MACROD2: variants seen among roughly 807,000 people sequenced by gnomAD.
MACROD2 encodes mono-ADP ribosylhydrolase 2.
A neutral mutation model predicts 70.4 loss-of-function variants in MACROD2; 36 were observed. The observed-to-expected ratio is 0.51, with a 90% CI of 0.39 to 0.68. The LOEUF is 0.68. MACROD2 is among the 30% of genes least tolerant of loss of function. The pLI, the probability that MACROD2 is intolerant of heterozygous loss-of-function variation, is 0.00. For missense variants in MACROD2, 496 were observed against 538.4 expected (o/e 0.92, Z 0.78); for synonymous variants, 172 against 178.8 (o/e 0.96, Z 0.30).
intron 3 of MACROD2, among the ~76,000 whole-genome samples, chr20:14,276,601 C>T (rs1258281541): frequency 1.3e-5 from 2 of 151,580 alleles, no homozygotes; most frequent in African/African-American, 4.8e-5. Context: ...ACATTGTGCA[C>T]ATGTACCCTA....
At chr20:14,562,632 T>C (rs1384247810) in intron 4 of MACROD2, among the ~76,000 whole-genome samples, 1 of 151,882 alleles carries the variant, frequency 6.6e-6, no homozygotes, top group Non-Finnish European at 1.5e-5. Context: ...TATCCAACTA[T>C]CTATTGGATG....
intron 2 of MACROD2, among the ~76,000 whole-genome samples, chr20:14,083,954 G>A (rs2054036141): frequency 6.6e-6 from 1 of 151,284 alleles, no homozygotes; most frequent in African/African-American, 2.4e-5. Flanking sequence ...TCAGCTATTC[G>A]GAGAGGCTGA....
intron 3 of MACROD2, among the ~76,000 whole-genome samples, chr20:14,463,582 A>AG (rs562106481): frequency 1.3e-5 from 2 of 151,860 alleles, no homozygotes; most frequent in South Asian, 2.1e-4. Context: ...GTTGAATAGG[A>AG]TGGTGAGAGA....
intron 8 of MACROD2, among the ~76,000 whole-genome samples, chr20:15,663,215 A>G (rs932999787): frequency 4.0e-5 from 6 of 149,728 alleles, no homozygotes. Context: ...CTGTTTCTCA[A>G]GAGAAGTCAG....
At chr20:15,590,142 G>T (rs781069572) in intron 8 of MACROD2, among the ~76,000 whole-genome samples, 2 of 152,140 alleles carry the variant, frequency 1.3e-5, no homozygotes, top group South Asian at 2.1e-4. Context: ...AATATGAAAG[G>T]TGTGGAAATT....
intron 6 of MACROD2, among the ~76,000 whole-genome samples, chr20:15,380,188 A>AC (rs2045623431): frequency 6.6e-6 from 1 of 151,576 alleles, no homozygotes; most frequent in South Asian, 2.1e-4. Flanking sequence ...ATTTAAAAAA[A>AC]CCCTCAGCAC....
At chr20:14,895,787 A>G (rs1243615309) in intron 5 of MACROD2, among the ~76,000 whole-genome samples, 1 of 152,194 alleles carries the variant, frequency 6.6e-6, no homozygotes, top group Non-Finnish European at 1.5e-5. Flanking sequence ...ATCTCAGGTT[A>G]GGTTCCTTTC....
intron 4 of MACROD2, chr20:14,623,128 A>G (rs1329253546): frequency 6.6e-6 from 1 of 152,172 alleles, no homozygotes; most frequent in East Asian, 1.9e-4. Context: ...TCTTAATGCC[A>G]AAGTTCTCTG....
chr20:14,882,551 A>G (rs2073622028), intron 5 of MACROD2, among the ~76,000 whole-genome samples: 1 of 152,206 alleles, frequency 6.6e-6, no homozygotes, highest in African/African-American at 2.4e-5. Flanking sequence ...GAGATACAGA[A>G]GATTTACTCT....
intron 5 of MACROD2, among the ~76,000 whole-genome samples, chr20:15,096,360 G>A (rs1357030365): frequency 4.0e-5 from 6 of 150,672 alleles, no homozygotes; most frequent in Admixed American, 2.0e-4. Flanking sequence ...GTTCGTAAGT[G>A]GCTAGTAAGA....
chr20:14,203,874 G>T (rs2081500765), intron 3 of MACROD2, among the ~76,000 whole-genome samples: 1 of 152,208 alleles, frequency 6.6e-6, no homozygotes, highest in Admixed American at 6.5e-5. Context: ...TGATGTGCTT[G>T]GGTGCTGGTG....
At chr20:14,114,742 A>G (rs2054494747) in intron 3 of MACROD2, among the ~76,000 whole-genome samples, 2 of 152,216 alleles carry the variant, frequency 1.3e-5, no homozygotes, top group Non-Finnish European at 2.9e-5. Context: ...ACTCTGAAGC[A>G]TCTTCAAAAA....
chr20:14,109,893 C>T (rs1431090418), intron 3 of MACROD2, among the ~76,000 whole-genome samples: 1 of 151,668 alleles, frequency 6.6e-6, no homozygotes, highest in Non-Finnish European at 1.5e-5. Context: ...TACCCTGATA[C>T]CAAAATGAAA....
intron 5 of MACROD2, among the ~76,000 whole-genome samples, chr20:14,941,906 C>T (rs1246174045): frequency 2.6e-5 from 4 of 151,644 alleles, no homozygotes. Flanking sequence ...ATCTCAGCCT[C>T]CTTAGTATTT....
chr20:15,813,353 C>T (rs561739759), intron 8 of MACROD2, among the ~76,000 whole-genome samples: 4 of 152,330 alleles, frequency 2.6e-5, no homozygotes, highest in African/African-American at 7.2e-5. Flanking sequence ...CCTGTAGAGA[C>T]ATGTTAAGTC....
chr20:15,975,504 G>A (rs1292883517), intron 13 of MACROD2, among the ~76,000 whole-genome samples: 3 of 152,056 alleles, frequency 2.0e-5, no homozygotes, highest in East Asian at 1.9e-4. Context: ...CACCCATAAC[G>A]TGGAATATTA....
chr20:15,785,138 C>G (rs1326424916), intron 8 of MACROD2, among the ~76,000 whole-genome samples: 3 of 131,530 alleles, frequency 2.3e-5, no homozygotes, highest in African/African-American at 8.9e-5. Flanking sequence ...GGTGACAGAG[C>G]GAGACTCCGT....
At position 14,434,630 on chromosome 20, in the gene MACROD2, C is replaced by A. The variant is rs139993314; in HGVS notation, c.272-58849C>A. ...CCATCAGTTCTTCCTTCTCCTGAAT[C>A]ATAAGCTTTCCCTTCTCTGTTGGCT... On this transcript the variant is annotated intron_variant, in intron 3 of 17. Transcript: ENST00000684519. 1.1e-4 allele frequency among the ~76,000 whole-genome samples: 17 copies of A among 152,292 alleles called. No individual in the cohort carries two copies. In the East Asian group the frequency reaches 3.3e-3, roughly 29 times the overall value.
chr20:14,700,578 T>G (rs909196284), intron 5 of MACROD2, among the ~76,000 whole-genome samples: 2 of 151,614 alleles, frequency 1.3e-5, no homozygotes, highest in African/African-American at 4.8e-5. Flanking sequence ...GCCAGATAAC[T>G]AAAATCTTTG....
Sources: gnomAD v4.1 joint callset for allele counts (sites outside exome capture counted in the v4.1 genomes callset) on GRCh38, gnomAD v4.1.1 for gene constraint, MANE v1.5 for transcripts, NCBI Gene and HGNC (gene_info 2026-07-23, HGNC 2026-07-21) for gene names.